Variants in KCND3 observed in about 807,000 individuals in gnomAD.
The protein encoded by KCND3 is A-type voltage-gated potassium channel KCND3.
A neutral mutation model predicts 51.1 loss-of-function variants in KCND3; 9 were observed. That is an observed-to-expected ratio of 0.18 (90% confidence interval 0.11 to 0.31). The LOEUF is 0.31. KCND3 is among the 10% of genes least tolerant of loss of function. The pLI, the probability that KCND3 is intolerant of heterozygous loss-of-function variation, is 1.00. For synonymous variants in KCND3, 349 were observed against 368.0 expected (o/e 0.95, Z 0.59); for missense variants, 526 against 903.8 (o/e 0.58, Z 5.36).
rs1275708819 is a variant in KCND3, at chr1:111,937,226, A to G, written c.1106+44395T>C. ...GGGAGGGTAGGAGAGGGAAAGCATGAGTCCATCATGGACTTGGTGAGCTGG... is the reference window on the plus strand; with the variant it reads ...GGGAGGGTAGGAGAGGGAAAGCATGGGTCCATCATGGACTTGGTGAGCTGG... On this transcript the variant is annotated intron_variant, in intron 2 of 7. Coordinates refer to ENST00000302127, the MANE Select transcript of KCND3 (RefSeq NM_001378969.1). Among the ~76,000 whole-genome samples the G allele has an allele frequency of 2.6e-5, 4 of 152,142 alleles. No individual in the cohort carries two copies. The East Asian group carries it at 5.8e-4, about 22-fold the overall frequency.
chr1:111,874,580 T>A (rs1023018293), intron 2 of KCND3, among the ~76,000 whole-genome samples: 3 of 152,182 alleles, frequency 2.0e-5, no homozygotes, highest in African/African-American at 7.2e-5. Flanking sequence ...ATCTTATACT[T>A]CTTACTCATA....
At chr1:111,794,035 T>C (rs573806753) in intron 2 of KCND3, among the ~76,000 whole-genome samples, 8 of 131,870 alleles carry the variant, frequency 6.1e-5, no homozygotes, top group African/African-American at 2.4e-4. Context: ...TCAAACCCTA[T>C]CTGGGGCCAG....
intron 2 of KCND3, among the ~76,000 whole-genome samples, chr1:111,965,703 A>C (rs968796669): frequency 1.3e-5 from 2 of 152,112 alleles, no homozygotes; most frequent in African/African-American, 4.8e-5. Flanking sequence ...TACATATGCC[A>C]TTCCAAATTT....
intron 2 of KCND3, among the ~76,000 whole-genome samples, chr1:111,943,006 G>T (rs1309330982): frequency 6.6e-6 from 1 of 152,192 alleles, no homozygotes; most frequent in Non-Finnish European, 1.5e-5. Context: ...GGAATGCGGA[G>T]AAGACAGGAG....
intron 2 of KCND3, among the ~76,000 whole-genome samples, chr1:111,851,226 T>C (rs569620154): frequency 6.6e-6 from 1 of 152,364 alleles, no homozygotes; most frequent in Non-Finnish European, 1.5e-5. Context: ...GATGGACATA[T>C]TCCACTGACT....
intron 2 of KCND3, among the ~76,000 whole-genome samples, chr1:111,933,052 G>T (rs963951127): frequency 6.6e-6 from 1 of 152,174 alleles, no homozygotes; most frequent in Non-Finnish European, 1.5e-5. Context: ...GAAGTAATCA[G>T]ATTATGGGGG....
intron 2 of KCND3, among the ~76,000 whole-genome samples, chr1:111,900,333 C>G (rs1397742365): frequency 6.6e-6 from 1 of 152,156 alleles, no homozygotes; most frequent in African/African-American, 2.4e-5. Context: ...CTCCAGGAGA[C>G]AGCATTTCAG....
intron 2 of KCND3, among the ~76,000 whole-genome samples, chr1:111,855,626 T>A (rs550758836): frequency 7.2e-5 from 11 of 152,156 alleles, no homozygotes; most frequent in Admixed American, 3.3e-4. Context: ...TAGGTCAGAG[T>A]CAGCATCCTG....
chr1:111,965,973 T>C (rs60713608), intron 2 of KCND3, among the ~76,000 whole-genome samples: 17,551 of 152,098 alleles, frequency 0.12, 1,146 homozygotes, highest in East Asian at 0.23. Flanking sequence ...GAGCTGCCAA[T>C]GCAAGCAGGG....
chr1:111,963,728 C>T (rs958716303), intron 2 of KCND3, among the ~76,000 whole-genome samples: 9 of 152,206 alleles, frequency 5.9e-5, no homozygotes, highest in Admixed American at 4.6e-4. Flanking sequence ...CAAAGTCAGA[C>T]CTCAGGAGAG....
At chr1:111,828,101 C>T (rs938806967) in intron 2 of KCND3, among the ~76,000 whole-genome samples, 6 of 152,142 alleles carry the variant, frequency 3.9e-5, no homozygotes, top group African/African-American at 7.2e-5. Context: ...CAAGGCTTGC[C>T]GCTCTGCCCC....
chr1:111,983,272 G>A (rs1235021361), intron 1 of KCND3, among the ~76,000 whole-genome samples: 1 of 150,924 alleles, frequency 6.6e-6, no homozygotes, highest in Non-Finnish European at 1.5e-5. Context: ...GTGTAGATGA[G>A]TGAGATCAGG....
chr1:111,940,905 T>C lies in KCND3; in HGVS notation c.1106+40716A>G, dbSNP rs149457663. On this transcript the variant is annotated intron_variant, in intron 2 of 7. Coordinates refer to ENST00000302127, the MANE Select transcript of KCND3 (RefSeq NM_001378969.1). ...ATGTACAACCAAAGTTTTGAACACTTGTGGTAACTGAATCCTTCATGGTTC... is the reference window on the plus strand; with the variant it reads ...ATGTACAACCAAAGTTTTGAACACTCGTGGTAACTGAATCCTTCATGGTTC... Among the ~76,000 whole-genome samples the C allele has an allele frequency of 2.6e-4, 39 of 152,304 alleles. No individual in the cohort carries two copies. The East Asian group carries it at 7.1e-3, about 28-fold the overall frequency.
At chr1:111,985,050 T>C (rs1675193323) in intron 1 of KCND3, among the ~76,000 whole-genome samples, 1 of 152,190 alleles carries the variant, frequency 6.6e-6, no homozygotes, top group African/African-American at 2.4e-5. Flanking sequence ...CTGTCTCCCA[T>C]GGATTATCTC....
At chr1:111,788,386 C>T (rs1033864980) in intron 2 of KCND3, among the ~76,000 whole-genome samples, 3 of 152,158 alleles carry the variant, frequency 2.0e-5, no homozygotes, top group African/African-American at 4.8e-5. Context: ...GAGGAAACCA[C>T]GGGGCTTGGG....
intron 7 of KCND3, 133 bp from the exon 8 acceptor site, chr1:111,776,411 T>C (rs549331892): frequency 1.2e-6 from 1 of 831,294 alleles, no homozygotes; most frequent in East Asian, 2.6e-5. Flanking sequence ...CCTTTTGTAA[T>C]CAACTTGTAA....
At chr1:111,852,511 A>G (rs1667866710) in intron 2 of KCND3, among the ~76,000 whole-genome samples, 1 of 152,176 alleles carries the variant, frequency 6.6e-6, no homozygotes, top group African/African-American at 2.4e-5. Flanking sequence ...TTAAGGGGTA[A>G]TCATTTTAAT....
intron 2 of KCND3, among the ~76,000 whole-genome samples, chr1:111,854,971 C>T (rs567154224): frequency 5.3e-5 from 8 of 152,122 alleles, no homozygotes; most frequent in East Asian, 3.9e-4. Context: ...TCTACATCCC[C>T]GGCATCCTGT....
intron 2 of KCND3, among the ~76,000 whole-genome samples, chr1:111,908,993 T>G (rs1163780844): frequency 6.8e-6 from 1 of 146,704 alleles, no homozygotes; most frequent in Non-Finnish European, 1.5e-5. Flanking sequence ...AGGAGAATAA[T>G]GTGAGCTGGC....
Sources: allele counts gnomAD v4.1 joint callset (sites outside exome capture counted in the v4.1 genomes callset), GRCh38; gene constraint gnomAD v4.1.1; transcripts MANE v1.5; gene names NCBI Gene and HGNC (gene_info 2026-07-23, HGNC 2026-07-21).